The following HOOK3 variants were observed in gnomAD, a reference collection of about 807,000 sequenced individuals.
HOOK3 encodes hook microtubule tethering protein 3, also known as protein Hook homolog 3.
HOOK3 carries 24 observed loss-of-function variants against 116.3 expected under a neutral mutation model. The ratio of observed to expected loss-of-function variants is 0.21; its 90% CI spans 0.15 to 0.29. The LOEUF is 0.29. Ranked by LOEUF, HOOK3 falls within the 10% of genes least tolerant of loss-of-function variation. The pLI is 1.00. For synonymous variants in HOOK3, 275 were observed against 283.0 expected (o/e 0.97, Z 0.28); for missense variants, 632 against 830.2 (o/e 0.76, Z 2.93).
At chr8:43,006,141 C>T (rs1246159267) in intron 17 of HOOK3, among the ~76,000 whole-genome samples, 4 of 139,366 alleles carry the variant, frequency 2.9e-5, no homozygotes, top group Non-Finnish European at 6.3e-5. Context: ...CTGCCTCAGC[C>T]TCCCGAGTAG....
chr8:43,006,782 C>T (rs1327857578), intron 17 of HOOK3, among the ~76,000 whole-genome samples: 1 of 152,006 alleles, frequency 6.6e-6, no homozygotes, highest in Non-Finnish European at 1.5e-5. Context: ...AAGCATCATG[C>T]ATAGAAAAGA....
intron 4 of HOOK3, among the ~76,000 whole-genome samples, chr8:42,936,145 C>G (rs1807965456): frequency 6.6e-6 from 1 of 152,132 alleles, no homozygotes; most frequent in Non-Finnish European, 1.5e-5. Flanking sequence ...ATTTTATTCT[C>G]TTAGTAGCAG....
intron 1 of HOOK3, among the ~76,000 whole-genome samples, chr8:42,898,782 A>G (rs1180699493): frequency 1.3e-5 from 2 of 152,354 alleles, no homozygotes; most frequent in East Asian, 1.9e-4. Flanking sequence ...CGGTAAACCC[A>G]TCATAAGTTG....
chr8:42,916,824 G>T (rs1209159574), intron 2 of HOOK3, among the ~76,000 whole-genome samples: 3 of 152,042 alleles, frequency 2.0e-5, no homozygotes, highest in Admixed American at 2.0e-4. Context: ...CATAACAAAG[G>T]CCAAATGGAG....
At chr8:42,897,356 C>T (rs1164424574) in intron 1 of HOOK3, 168 bp downstream of exon 1, 3 of 413,162 alleles carry the variant, frequency 7.3e-6, no homozygotes, top group African/African-American at 4.1e-5. Flanking sequence ...AGAGACTTGC[C>T]GGGCCTGAGG....
intron 1 of HOOK3, among the ~76,000 whole-genome samples, chr8:42,899,050 A>G (rs949442052): frequency 2.0e-5 from 3 of 151,890 alleles, no homozygotes; most frequent in African/African-American, 7.3e-5. Context: ...GCATCATTGT[A>G]AAGTTGAAAA....
chr8:42,931,382 T>C (rs1157957758), intron 4 of HOOK3, among the ~76,000 whole-genome samples: 1 of 151,994 alleles, frequency 6.6e-6, no homozygotes, highest in Non-Finnish European at 1.5e-5. Context: ...TCCTTATTTG[T>C]TGGTTTATTT....
At chr8:42,904,341 G>C (rs1289286217) in intron 1 of HOOK3, among the ~76,000 whole-genome samples, 2 of 132,496 alleles carry the variant, frequency 1.5e-5, no homozygotes, top group East Asian at 4.4e-4. Flanking sequence ...ACGGAGTCTC[G>C]CTCTGTCGCC....
rs774686288 is a variant in HOOK3 at position 43,013,166 on chromosome 8, A to G, written c.1944+11A>G. 5 of 1,538,556 alleles carry G rather than the reference A, an allele frequency of 3.2e-6. No individual in the cohort carries two copies. In the Admixed American group the frequency reaches 5.6e-5, roughly 17 times the overall value. Reference sequence around the variant, plus strand: ...TTCCACTCATTAGAGGTAGTTTACTATACTGTACAATAAAATAATTGTGTT... The same window carrying G: ...TTCCACTCATTAGAGGTAGTTTACTGTACTGTACAATAAAATAATTGTGTT... On this transcript the variant is annotated intron_variant, in intron 20 of 21. Transcript: ENST00000307602.
At chr8:42,992,785 A>G (rs1809192798) in intron 15 of HOOK3, among the ~76,000 whole-genome samples, 2 of 151,458 alleles carry the variant, frequency 1.3e-5, no homozygotes, top group South Asian at 4.2e-4. Flanking sequence ...TTCCTTTCTA[A>G]TTTAGATGCC....
At chr8:42,943,998 C>A (rs1808177140) in intron 5 of HOOK3, among the ~76,000 whole-genome samples, 1 of 152,162 alleles carries the variant, frequency 6.6e-6, no homozygotes, top group Non-Finnish European at 1.5e-5. Flanking sequence ...GATACTTTTC[C>A]TTAAGAAATC....
rs553938291 is a variant in HOOK3 at position 42,911,320 on chromosome 8, G to A, written c.143+5062G>A. ...ACAAAAATTAGCCAGGCATGGTGGC[G>A]CATGCCTGTAATCCCAGCTACTAGG... On this transcript the variant is annotated intron_variant, in intron 2 of 21. Transcript: ENST00000307602. Among the ~76,000 whole-genome samples the A allele has an allele frequency of 7.2e-5, 11 of 152,200 alleles. No individual in the cohort carries two copies. In the South Asian group the frequency reaches 2.3e-3, roughly 32 times the overall value.
At position 42,912,112 on chromosome 8, in the gene HOOK3, G is replaced by A. The variant is rs567243185; in HGVS notation, c.143+5854G>A. ...GAGCAACTGGCAGAGCAGCCAGAGG[G>A]GTAGGAGGAAAGCCAGGTGAGTGTG... On this transcript the variant is annotated intron_variant, in intron 2 of 21. Coordinates refer to ENST00000307602, the MANE Select transcript of HOOK3 (RefSeq NM_032410.4). 2.0e-5 allele frequency among the ~76,000 whole-genome samples: 3 copies of A among 152,272 alleles called. No individual in the cohort carries two copies. The South Asian group carries it at 6.2e-4, about 32-fold the overall frequency.
At chr8:42,988,701 TTC>T (rs1809096193) in intron 15 of HOOK3, among the ~76,000 whole-genome samples, 1 of 152,118 alleles carries the variant, frequency 6.6e-6, no homozygotes, top group East Asian at 1.9e-4. Flanking sequence ...TAAATATGCT[TTC>T]TTACTTTATG....
chr8:42,939,616 G>A (rs1396417202), intron 4 of HOOK3, among the ~76,000 whole-genome samples: 1 of 148,682 alleles, frequency 6.7e-6, no homozygotes, highest in Non-Finnish European at 1.5e-5. Context: ...TGGCCGGGCG[G>A]GGGGCTGACC....
intron 17 of HOOK3, among the ~76,000 whole-genome samples, chr8:43,002,386 T>G (rs1382554039): frequency 6.6e-6 from 1 of 152,208 alleles, no homozygotes; most frequent in African/African-American, 2.4e-5. Context: ...TAATCATAGT[T>G]AGGAGTTTGA....
chr8:42,909,684 T>C (rs1807384350), intron 2 of HOOK3, among the ~76,000 whole-genome samples: 1 of 152,140 alleles, frequency 6.6e-6, no homozygotes, highest in South Asian at 2.1e-4. Flanking sequence ...AGGCTGGTCT[T>C]GAACTCCTGG....
At chr8:42,925,122 G>A (rs918130945) in intron 2 of HOOK3, among the ~76,000 whole-genome samples, 7 of 152,006 alleles carry the variant, frequency 4.6e-5, no homozygotes, top group Admixed American at 3.3e-4. Context: ...TTTTGAGACA[G>A]GGTCTCACTC....
intron 8 of HOOK3, among the ~76,000 whole-genome samples, chr8:42,962,684 C>T (rs894681472): frequency 1.3e-5 from 2 of 151,742 alleles, no homozygotes; most frequent in African/African-American, 4.8e-5. Context: ...GGATTACAGG[C>T]AGGAGCCACC....
Sources: allele counts gnomAD v4.1 joint callset (sites outside exome capture counted in the v4.1 genomes callset), GRCh38; gene constraint gnomAD v4.1.1; transcripts MANE v1.5; gene names NCBI Gene and HGNC (gene_info 2026-07-23, HGNC 2026-07-21).